PRKG1: variants seen among roughly 807,000 people sequenced by gnomAD.
PRKG1 encodes the protein cGMP-dependent protein kinase 1.
A neutral mutation model predicts 88.1 loss-of-function variants in PRKG1; 35 were observed. The ratio of observed to expected loss-of-function variants is 0.40; its 90% CI spans 0.30 to 0.53. The LOEUF is 0.53. Ranked by LOEUF, PRKG1 falls within the 20% of genes least tolerant of loss-of-function variation. The pLI is 0.59. For synonymous variants in PRKG1, 303 were observed against 292.5 expected, an observed-to-expected ratio of 1.04 and a Z score of -0.37; for missense variants, 540 against 839.8, an observed-to-expected ratio of 0.64 and a Z score of 4.41.
At chr10:51,815,736 A>G (rs975689257) in intron 4 of PRKG1, among the ~76,000 whole-genome samples, 1 of 152,156 alleles carries the variant, frequency 6.6e-6, no homozygotes, top group Admixed American at 6.5e-5. Flanking sequence ...TTATTTATCA[A>G]TATGATTTTA....
Position 52,208,086 on chromosome 10 carries a change from G to A in PRKG1, c.1077-43484G>A, listed in dbSNP as rs372636398. Among the ~76,000 whole-genome samples, 10 of 152,304 alleles carry A rather than the reference G, an allele frequency of 6.6e-5. No individual in the cohort carries two copies. The East Asian group carries it at 1.5e-3, about 24-fold the overall frequency. The stretch of plus-strand genomic sequence containing the variant: ...TTGAAGGCTACACTGTGAGGCAGCA[G>A]TGGAGTCAAGATTTGAAGCAATCTG... On this transcript the variant is annotated intron_variant, in intron 9 of 17. Coordinates refer to ENST00000373980, the MANE Select transcript of PRKG1 (RefSeq NM_006258.4).
intron 4 of PRKG1, among the ~76,000 whole-genome samples, chr10:51,857,117 T>C (rs1029291057): frequency 5.9e-5 from 9 of 152,166 alleles, no homozygotes; most frequent in Non-Finnish European, 5.9e-5. Context: ...TTTTCACATG[T>C]CATCTTTAAT....
chr10:51,310,468 C>T (rs531010628), intron 2 of PRKG1, among the ~76,000 whole-genome samples: 39 of 152,080 alleles, frequency 2.6e-4, no homozygotes, highest in Non-Finnish European at 4.9e-4. Context: ...CCATAGCAAA[C>T]GCAGAAAGTA....
At chr10:52,216,754 A>G (rs1173729826) in intron 9 of PRKG1, among the ~76,000 whole-genome samples, 1 of 152,150 alleles carries the variant, frequency 6.6e-6, no homozygotes, top group Non-Finnish European at 1.5e-5. Context: ...TCAGTTTGTT[A>G]TCTTTTTCTG....
chr10:51,885,859 C>T (rs368957505), intron 4 of PRKG1, among the ~76,000 whole-genome samples: 14 of 152,198 alleles, frequency 9.2e-5, no homozygotes, highest in East Asian at 5.8e-4. Flanking sequence ...TTTCATGAGA[C>T]GTTATTATAT....
At chr10:52,053,762 G>T (rs866979063) in intron 5 of PRKG1, among the ~76,000 whole-genome samples, 57 of 152,144 alleles carry the variant, frequency 3.7e-4, no homozygotes, top group Admixed American at 2.6e-4. Context: ...TCATTTGATA[G>T]TTTATAAGCT....
At chr10:51,154,304 CT>C (rs1485360731) in intron 2 of PRKG1, among the ~76,000 whole-genome samples, 1 of 151,728 alleles carries the variant, frequency 6.6e-6, no homozygotes, top group Non-Finnish European at 1.5e-5. Context: ...TTGGTGATAT[CT>C]GGAGACATTT....
chr10:51,353,071 C>T (rs112393525), intron 2 of PRKG1, among the ~76,000 whole-genome samples: 7 of 151,968 alleles, frequency 4.6e-5, no homozygotes, highest in Non-Finnish European at 7.4e-5. Flanking sequence ...ATAAATGGTG[C>T]GGGGAAAACT....
chr10:51,351,083 A>T (rs933017582), intron 2 of PRKG1, among the ~76,000 whole-genome samples: 5 of 152,200 alleles, frequency 3.3e-5, no homozygotes, highest in Admixed American at 6.5e-5. Context: ...TGCAAAGGAC[A>T]TGAACTCATG....
chr10:51,493,474 T>C (rs774191700), intron 3 of PRKG1, among the ~76,000 whole-genome samples: 1 of 152,184 alleles, frequency 6.6e-6, no homozygotes, highest in African/African-American at 2.4e-5. Context: ...TTTCCATTTC[T>C]ATTGCCAGAA....
chr10:51,835,445 G>T (rs1162183515), intron 4 of PRKG1, among the ~76,000 whole-genome samples: 1 of 152,168 alleles, frequency 6.6e-6, no homozygotes, highest in Non-Finnish European at 1.5e-5. Flanking sequence ...GTAGGACTAG[G>T]TCCAGTTTGC....
chr10:52,246,591 T>TTTAA (rs1841028530), intron 9 of PRKG1, among the ~76,000 whole-genome samples: 1 of 152,086 alleles, frequency 6.6e-6, no homozygotes, highest in South Asian at 2.1e-4. Flanking sequence ...AAGAGTCCCC[T>TTTAA]ATAGGCCAGT....
intron 2 of PRKG1, among the ~76,000 whole-genome samples, chr10:51,194,570 G>A (rs142189261): frequency 6.6e-6 from 1 of 152,040 alleles, no homozygotes; most frequent in Non-Finnish European, 1.5e-5. Context: ...AGTTTCAACA[G>A]TCCTAGAACT....
intron 7 of PRKG1, among the ~76,000 whole-genome samples, chr10:52,066,714 C>T (rs1299650090): frequency 1.3e-5 from 2 of 152,178 alleles, no homozygotes; most frequent in South Asian, 4.2e-4. Flanking sequence ...AAGAATGTAA[C>T]CTCGGCTTTT....
chr10:51,847,552 T>C (rs1484944489), intron 4 of PRKG1, among the ~76,000 whole-genome samples: 1 of 151,788 alleles, frequency 6.6e-6, no homozygotes, highest in Non-Finnish European at 1.5e-5. Context: ...AATTTTATTA[T>C]ATATAAAGCA....
intron 5 of PRKG1, among the ~76,000 whole-genome samples, chr10:52,030,279 A>G (rs1038362556): frequency 6.6e-6 from 1 of 152,148 alleles, no homozygotes; most frequent in African/African-American, 2.4e-5. Flanking sequence ...GCTACCTTTC[A>G]TCTGGCTAGT....
chr10:52,087,378 A>AAC (rs1846943312), intron 7 of PRKG1, among the ~76,000 whole-genome samples: 1 of 152,120 alleles, frequency 6.6e-6, no homozygotes, highest in African/African-American at 2.4e-5. Context: ...CTTCAGTTCT[A>AAC]CATTTTTAAG....
At chr10:52,196,308 G>A (rs1443644565) in intron 9 of PRKG1, among the ~76,000 whole-genome samples, 3 of 152,094 alleles carry the variant, frequency 2.0e-5, no homozygotes, top group African/African-American at 7.2e-5. Context: ...GAGCCACCGC[G>A]CCAGGCCAAG....
chr10:51,792,993 C>G (rs1838907931), intron 3 of PRKG1, among the ~76,000 whole-genome samples: 1 of 150,882 alleles, frequency 6.6e-6, no homozygotes, highest in South Asian at 2.1e-4. Flanking sequence ...TGCTGTATAA[C>G]CACAGGGATA....
Sources: allele counts gnomAD v4.1 joint callset (sites outside exome capture counted in the v4.1 genomes callset), GRCh38; gene constraint gnomAD v4.1.1; transcripts MANE v1.5; gene names NCBI Gene and HGNC (gene_info 2026-07-23, HGNC 2026-07-21).